Variants in IL17D observed in about 807,000 individuals in gnomAD.
IL17D encodes the protein interleukin 17D, also known as interleukin-17D.
Under a neutral mutation model 5.7 loss-of-function variants are expected in IL17D, and 10 were observed. The ratio of observed to expected loss-of-function variants is 1.75; its 90% CI spans 1.08 to 2.97. IL17D has a LOEUF of 2.97. Among genes scored for constraint, IL17D ranks in the 30% most tolerant of loss-of-function variants. IL17D has a pLI of 0.00. For synonymous variants in IL17D, 172 were observed against 141.7 expected (o/e 1.21, Z -1.52); for missense variants, 354 against 292.7 (o/e 1.21, Z -1.53).
At chr13:20,719,281 C>T (rs2058713275) in intron 1 of IL17D, among the ~76,000 whole-genome samples, 1 of 149,512 alleles carries the variant, frequency 6.7e-6, no homozygotes, top group South Asian at 2.1e-4. Flanking sequence ...CCACACCTGC[C>T]CACGCTCAGA....
chr13:20,717,804 G>C (rs1344494333), intron 1 of IL17D, among the ~76,000 whole-genome samples: 1 of 152,180 alleles, frequency 6.6e-6, no homozygotes, highest in Non-Finnish European at 1.5e-5. Context: ...CATCCCAGCG[G>C]CGGGGGCAAT....
chr13:20,719,065 G>A (rs989573757), intron 1 of IL17D, among the ~76,000 whole-genome samples: 1 of 131,274 alleles, frequency 7.6e-6, no homozygotes, highest in African/African-American at 2.9e-5. Flanking sequence ...ACACACACCT[G>A]CCCATGCTGA....
At position 20,710,451 on chromosome 13, in the gene IL17D, T is replaced by TAA. The variant is rs60458842; in HGVS notation, c.290+6180_290+6181dup. On this transcript the variant is annotated intron_variant, in intron 1 of 1. Coordinates refer to ENST00000682841, the MANE Select transcript of IL17D (RefSeq NM_001385224.1). ...CAACATGGAGAAACCCCATCTCTAC[T>TAA]AAAAAAAAAAAAAAAAAAAAATACG... Among the ~76,000 whole-genome samples, 409 of 83,470 alleles carry TAA rather than the reference T, an allele frequency of 4.9e-3. 11 individuals are homozygous for TAA. Among genetic ancestry groups the TAA allele is most frequent in the African/African-American group, 0.018 (390 of 21,482 alleles). The allele number at this position is 83,470 out of a possible 152,430, so 54.8% of individuals were successfully genotyped here.
intron 1 of IL17D, chr13:20,712,818 G>T (rs891342431): frequency 6.6e-6 from 1 of 152,252 alleles, no homozygotes; most frequent in African/African-American, 2.4e-5. Flanking sequence ...CTCGCCCAGC[G>T]CACTGGCTGC....
rs1024854099 is a variant in IL17D at position 20,722,445 on chromosome 13, C to T, written c.*491C>T. 4.6e-5 allele frequency: 7 copies of T among 153,258 alleles called. No homozygotes were observed. The highest frequency in any genetic ancestry group is 1.7e-4 in the African/African-American group (7 of 41,518). 9.5% of individuals were successfully genotyped at this position (153,258 alleles called of 1,614,324 possible). ...ATTTTATATTATCAAATGAGAGCTA[C>T]TCTGTTACATTTCTTAACATATAAA... is the stretch of plus-strand genomic sequence containing the variant. On this transcript the variant is annotated 3_prime_UTR_variant, in exon 2 of 2. Coordinates refer to ENST00000682841, the MANE Select transcript of IL17D (RefSeq NM_001385224.1).
intron 1 of IL17D, among the ~76,000 whole-genome samples, chr13:20,721,162 C>T (rs1346715767): frequency 6.6e-6 from 1 of 152,128 alleles, no homozygotes; most frequent in African/African-American, 2.4e-5. Flanking sequence ...GCCCAGTCAG[C>T]ACTGTCCGCC....
intron 1 of IL17D, among the ~76,000 whole-genome samples, chr13:20,707,138 C>T (rs1486413552): frequency 1.3e-5 from 2 of 152,142 alleles, no homozygotes; most frequent in East Asian, 1.9e-4. Context: ...AATCACCTCT[C>T]ACCATCTTTT....
intron 1 of IL17D, among the ~76,000 whole-genome samples, chr13:20,712,246 T>G (rs2058644160): frequency 6.6e-6 from 1 of 152,238 alleles, no homozygotes; most frequent in Non-Finnish European, 1.5e-5. Context: ...AGAGAAAGAT[T>G]AGGAGTATAA....
Position 20,721,652 on chromosome 13 carries a change from G to A in IL17D, c.307G>A (p.Ala103Thr), listed in dbSNP as rs776627092. The part of the protein sequence containing the change: ...PWAYRISYDP[A>T]RYPRYLPEAY... ...TCCCTGCAGAATCTCCTACGACCCGGCGAGGTACCCCAGGTACCTGCCTGA... is the reference window on the plus strand; with the variant it reads ...TCCCTGCAGAATCTCCTACGACCCGACGAGGTACCCCAGGTACCTGCCTGA... Residue 103 changes from alanine to threonine, a missense_variant, in exon 2 of 2, where the codon GCG becomes ACG. By Grantham distance (58) the Ala-to-Thr change is moderately conservative. Coordinates refer to ENST00000682841, the MANE Select transcript of IL17D (RefSeq NM_001385224.1). 8 of 1,601,070 alleles carry A rather than the reference G, an allele frequency of 5.0e-6. No homozygotes were observed. In the South Asian group the frequency reaches 8.9e-5, roughly 18 times the overall value.
chr13:20,703,477 G>GAA (rs1235179841), upstream of IL17D: 5 of 965,740 alleles, frequency 5.2e-6, no homozygotes, highest in African/African-American at 8.8e-5. Context: ...GCTTCTCGCG[G>GAA]AAAAGCGGGC....
chr13:20,715,740 C>A (rs1167446975), intron 1 of IL17D, among the ~76,000 whole-genome samples: 1 of 151,878 alleles, frequency 6.6e-6, no homozygotes, highest in Non-Finnish European at 1.5e-5. Context: ...ATCTATACAT[C>A]TTTTTTTGTT....
intron 1 of IL17D, among the ~76,000 whole-genome samples, chr13:20,708,249 T>C (rs909636346): frequency 3.3e-5 from 5 of 152,060 alleles, no homozygotes; most frequent in South Asian, 2.1e-4. Context: ...GAAAGACAGA[T>C]AGGGAGATGG....
intron 1 of IL17D, among the ~76,000 whole-genome samples, chr13:20,720,334 A>G (rs559767136): frequency 5.3e-5 from 8 of 151,902 alleles, no homozygotes; most frequent in South Asian, 2.1e-4. Context: ...CTTCCCCCCA[A>G]TAGTCTGAGG....
Position 20,721,799 on chromosome 13 carries a change from G to T in IL17D, c.454G>T (p.Gly152Cys). Reference sequence around the variant, plus strand: ...GCGCCGCACCCCCGCCTGCGCCGGCGGCCGTTCCGTCTACACCGAGGCCTA... The same window carrying T: ...GCGCCGCACCCCCGCCTGCGCCGGCTGCCGTTCCGTCTACACCGAGGCCTA... ...VLRRTPACAG[G>C]RSVYTEAYVT... The change falls in exon 2 of 2, where the codon GGC becomes TGC. Residue 152 changes from glycine to cysteine, a missense_variant. Transcript: ENST00000682841. 6.2e-7 allele frequency: 1 copy of T among 1,609,802 alleles called. No homozygotes were observed. The highest frequency in any genetic ancestry group is 8.5e-7 in the Non-Finnish European group (1 of 1,179,744).
chr13:20,704,468 G>A lies in IL17D; in HGVS notation c.290+177G>A, dbSNP rs1257120898. ...TGGCACGCGGGGCGAGGCGGAGCAG[G>A]TAGGGGTGGGGTGGTGCGGGGCGAG... On this transcript the variant is annotated intron_variant, in intron 1 of 1. Coordinates refer to ENST00000682841, the MANE Select transcript of IL17D (RefSeq NM_001385224.1). 1.2e-4 allele frequency among the ~76,000 whole-genome samples: 14 copies of A among 120,358 alleles called. No homozygotes were observed. The East Asian group carries it at 3.5e-3, about 30-fold the overall frequency. 79.0% of individuals were successfully genotyped at this position (120,358 alleles called of 152,430 possible).
chr13:20,710,257 A>G (rs758878689), intron 1 of IL17D, among the ~76,000 whole-genome samples: 5 of 152,154 alleles, frequency 3.3e-5, no homozygotes, highest in Non-Finnish European at 7.4e-5. Context: ...ATATTAAGAA[A>G]TATGTTGTAA....
chr13:20,709,602 C>T (rs997713645), intron 1 of IL17D, among the ~76,000 whole-genome samples: 2 of 152,180 alleles, frequency 1.3e-5, no homozygotes, highest in South Asian at 4.1e-4. Context: ...TACACATACA[C>T]GCACACAGGC....
In IL17D at chr13:20,704,065, G is replaced by T; in HGVS notation, c.64G>T (p.Gly22Cys). 9.1e-7 allele frequency: 1 copy of T among 1,093,484 alleles called. No homozygotes were observed. Among genetic ancestry groups the T allele is most frequent in the South Asian group, 4.2e-5 (1 of 23,738 alleles). The allele number at this position is 1,093,484 out of a possible 1,614,324, so 67.7% of individuals were successfully genotyped here. ...CTGGGCCGCGGGCGCCCCGAGGGCG[G>T]GCAGGCGCCCCGCGCGGCCGCGGGG... Reference protein sequence around the residue: ...PSWAAGAPRAGRRPARPRGCA... With the variant: ...PSWAAGAPRACRRPARPRGCA... The change falls in exon 1 of 2, where the codon GGC becomes TGC. Residue 22 changes from glycine (G) to cysteine (C), a missense_variant. Physicochemically the swap from Gly to Cys is radical, Grantham distance 159. Coordinates refer to ENST00000682841, the MANE Select transcript of IL17D (RefSeq NM_001385224.1).
In IL17D at chr13:20,719,269, C is replaced by T. The variant is rs968314133; in HGVS notation, c.291-2367C>T. 2.7e-5 allele frequency among the ~76,000 whole-genome samples: 4 copies of T among 146,552 alleles called. No individual in the cohort carries two copies. In the South Asian group the frequency reaches 9.0e-4, roughly 33 times the overall value. On this transcript the variant is annotated intron_variant, in intron 1 of 1. Transcript: ENST00000682841. ...CCTGCCCAAACATGCCCACACACAC[C>T]CCCACACCTGCCCACGCTCAGACAC...
Sources: gnomAD v4.1 joint callset for allele counts (sites outside exome capture counted in the v4.1 genomes callset) on GRCh38, gnomAD v4.1.1 for gene constraint, MANE v1.5 for transcripts, NCBI Gene and HGNC (gene_info 2026-07-23, HGNC 2026-07-21) for gene names.